PCDH15: variants seen among roughly 807,000 people sequenced by gnomAD.
PCDH15 encodes the protein protocadherin related 15.
In PCDH15, 129 loss-of-function variants were observed where a neutral mutation model predicts 178.5. The observed-to-expected ratio is 0.72, with a 90% confidence interval of 0.63 to 0.84. The LOEUF (loss-of-function observed/expected upper bound fraction) is 0.84. PCDH15 is among the 40% of genes least tolerant of loss of function. The probability of loss-of-function intolerance (pLI) is 0.00; values close to 1 mark genes in which losing one functional copy is unlikely to be tolerated. For missense variants in PCDH15, 2,230 were observed against 2,099.9 expected (o/e 1.06, Z -1.21); for synonymous variants, 800 against 732.0 (o/e 1.09, Z -1.50).
chr10:54,542,640 C>T (rs762943704), intron 2 of PCDH15, among the ~76,000 whole-genome samples: 1 of 152,166 alleles, frequency 6.6e-6, no homozygotes, highest in African/African-American at 2.4e-5. Flanking sequence ...GAGCCAAAGT[C>T]ATTACAGAGG....
intron 20 of PCDH15, among the ~76,000 whole-genome samples, chr10:54,000,556 A>C (rs2092084069): frequency 1.3e-5 from 2 of 152,040 alleles, no homozygotes; most frequent in Non-Finnish European, 2.9e-5. Context: ...AGAATGCATC[A>C]GTTTTTTAAT....
intron 2 of PCDH15, among the ~76,000 whole-genome samples, chr10:54,663,692 CAAAA>C (rs11429433): frequency 2.1e-4 from 31 of 144,242 alleles, no homozygotes; most frequent in African/African-American, 7.8e-4. Context: ...CTATTCTTCC[CAAAA>C]AAAAAAAATA....
At chr10:54,211,996 A>AT (rs1236099393) in intron 10 of PCDH15, among the ~76,000 whole-genome samples, 6 of 151,746 alleles carry the variant, frequency 4.0e-5, no homozygotes, top group Admixed American at 2.0e-4. Flanking sequence ...ACAAAAAAAA[A>AT]ATCTGTGGCC....
At chr10:55,091,916 G>A (rs1051912044) in intron 2 of PCDH15, among the ~76,000 whole-genome samples, 42 of 151,238 alleles carry the variant, frequency 2.8e-4, no homozygotes, top group African/African-American at 9.0e-4. Flanking sequence ...ACTAGGGGTC[G>A]GTGTGAGTGC....
At chr10:54,832,246 C>G (rs2133752302) in intron 3 of PCDH15, among the ~76,000 whole-genome samples, 1 of 152,234 alleles carries the variant, frequency 6.6e-6, no homozygotes, top group East Asian at 1.9e-4. Flanking sequence ...CAATAATATT[C>G]CGATACTGCC....
intron 2 of PCDH15, among the ~76,000 whole-genome samples, chr10:55,577,307 A>G (rs1027252185): frequency 1.3e-5 from 2 of 152,018 alleles, no homozygotes; most frequent in African/African-American, 2.4e-5. Context: ...GCCAAAATTT[A>G]TTTTCAGATT....
chr10:54,864,596 G>A (rs1953902726), intron 3 of PCDH15: 1 of 152,184 alleles, frequency 6.6e-6, no homozygotes, highest in South Asian at 2.1e-4. Flanking sequence ...GAAGTCCAAT[G>A]TTGTGTGAAT....
chr10:54,122,581 CAA>C (rs71007809), intron 15 of PCDH15, among the ~76,000 whole-genome samples: 3 of 139,548 alleles, frequency 2.1e-5, no homozygotes, highest in African/African-American at 8.0e-5. Context: ...ATCCAAATAG[CAA>C]AAAAAAAAGA....
At chr10:55,056,262 G>T (rs1841299956) in intron 2 of PCDH15, among the ~76,000 whole-genome samples, 1 of 152,104 alleles carries the variant, frequency 6.6e-6, no homozygotes, top group Non-Finnish European at 1.5e-5. Context: ...TAATATTAAA[G>T]TCTCATAGGT....
chr10:54,319,362 G>A (rs888961591), intron 7 of PCDH15, among the ~76,000 whole-genome samples: 3 of 152,084 alleles, frequency 2.0e-5, no homozygotes, highest in Non-Finnish European at 4.4e-5. Flanking sequence ...AAGAAATGAA[G>A]TACTGATATA....
At chr10:55,034,199 C>T (rs1007024376) in intron 2 of PCDH15, among the ~76,000 whole-genome samples, 1 of 152,068 alleles carries the variant, frequency 6.6e-6, no homozygotes, top group East Asian at 1.9e-4. Context: ...TTTTCTTAAA[C>T]TATTTTTTCT....
chr10:54,079,400 T>C lies in PCDH15; in HGVS notation c.2022A>G (p.Lys674=). 1.2e-6 allele frequency: 2 copies of C among 1,614,110 alleles called. No homozygotes were observed. The highest frequency in any genetic ancestry group is 1.7e-6 in the Non-Finnish European group (2 of 1,179,960). The change falls in exon 17 of 38, where the codon AAA becomes AAG. Residue 674 remains lysine (K), a synonymous_variant. Transcript: ENST00000644397. ...GATCAGTGCTTTCCCTGTCCAGTGC[T>C]TTCCCTAAGGTTAGAATCCCCGTGC... ...SETTGILTLG[K]ALDRESTDRY...
chr10:54,194,985 T>C (rs922998992), intron 11 of PCDH15, among the ~76,000 whole-genome samples: 2 of 152,212 alleles, frequency 1.3e-5, no homozygotes, highest in Admixed American at 6.5e-5. Context: ...TCATTTCCAC[T>C]TCTCTAATAC....
At chr10:54,850,000 C>T (rs1953586874) in intron 3 of PCDH15, among the ~76,000 whole-genome samples, 1 of 152,014 alleles carries the variant, frequency 6.6e-6, no homozygotes, top group Admixed American at 6.6e-5. Context: ...GATACTGAGA[C>T]AGAATTTAAC....
chr10:54,598,227 C>A (rs2092338935), intron 2 of PCDH15, among the ~76,000 whole-genome samples: 1 of 152,122 alleles, frequency 6.6e-6, no homozygotes, highest in African/African-American at 2.4e-5. Flanking sequence ...TGCAAATATC[C>A]TTAACAAAAT....
At chr10:54,110,901 T>C (rs1255888630) in intron 15 of PCDH15, among the ~76,000 whole-genome samples, 3 of 152,214 alleles carry the variant, frequency 2.0e-5, no homozygotes, top group African/African-American at 7.2e-5. Context: ...TTAATAACTC[T>C]TCCAATGTAA....
intron 1 of PCDH15, among the ~76,000 whole-genome samples, chr10:54,756,377 C>T (rs564580271): frequency 1.3e-5 from 2 of 152,272 alleles, no homozygotes; most frequent in Admixed American, 1.3e-4. Flanking sequence ...AAGAGCCCAT[C>T]AGTCATTTTT....
intron 8 of PCDH15, among the ~76,000 whole-genome samples, chr10:54,273,528 G>A (rs1340163605): frequency 2.0e-5 from 3 of 151,924 alleles, no homozygotes; most frequent in Admixed American, 1.3e-4. Flanking sequence ...TAGTAGCAAT[G>A]TAAGCCATAA....
At chr10:53,855,976 T>G (rs1003779486) in intron 28 of PCDH15, among the ~76,000 whole-genome samples, 1 of 146,666 alleles carries the variant, frequency 6.8e-6, no homozygotes, top group African/African-American at 2.5e-5. Flanking sequence ...AACAAAATAA[T>G]GGCATTTGCC....
Sources: allele counts gnomAD v4.1 joint callset (sites outside exome capture counted in the v4.1 genomes callset), GRCh38; gene constraint gnomAD v4.1.1; transcripts MANE v1.5; gene names NCBI Gene and HGNC (gene_info 2026-07-23, HGNC 2026-07-21).